The following CACNA1I variants were observed in gnomAD, a reference collection of about 807,000 sequenced individuals.
CACNA1I encodes calcium voltage-gated channel subunit alpha1 I, also known as voltage-dependent T-type calcium channel subunit alpha-1I.
In CACNA1I, 74 loss-of-function variants were observed where a neutral mutation model predicts 201.6. That is an observed-to-expected ratio of 0.37 (90% confidence interval 0.30 to 0.45). CACNA1I has a LOEUF of 0.45. Ranked by LOEUF, CACNA1I falls within the 20% of genes least tolerant of loss-of-function variation. The pLI, the probability that CACNA1I is intolerant of heterozygous loss-of-function variation, is 1.00. For synonymous variants in CACNA1I, 1,431 were observed against 1,345.2 expected (o/e 1.06, Z -1.40); for missense variants, 2,346 against 3,138.1 (o/e 0.75, Z 6.03).
At chr22:39,641,326 A>G (rs1265123482) in intron 6 of CACNA1I, 144 bp downstream of exon 6, 44 of 660,768 alleles carry the variant, frequency 6.7e-5, no homozygotes, top group Admixed American at 5.8e-4. Context: ...TATCATGCCC[A>G]TTTTATAGAC....
chr22:39,635,069 A>G (rs1050147503), intron 5 of CACNA1I, among the ~76,000 whole-genome samples: 3 of 152,114 alleles, frequency 2.0e-5, no homozygotes, highest in African/African-American at 7.2e-5. Context: ...TGACACACAA[A>G]TCAAGCTCTG....
chr22:39,661,926 T>G, intron 16 of CACNA1I, 39 bp from the exon 17 acceptor site: 2 of 1,348,728 alleles, frequency 1.5e-6, no homozygotes, highest in Non-Finnish European at 9.8e-7. Context: ...GCCGTGGGTG[T>G]GCCTGTGGGG....
intron 10 of CACNA1I, among the ~76,000 whole-genome samples, chr22:39,651,319 C>G (rs952855959): frequency 1.3e-5 from 2 of 152,244 alleles, no homozygotes; most frequent in African/African-American, 4.8e-5. Context: ...GGGCCGCACA[C>G]GCACCTCCCT....
At position 39,649,030 on chromosome 22, in the gene CACNA1I, A is replaced by G. The variant is rs558060061; in HGVS notation, c.1568-471A>G. ...AAACCTCACCCCTTCCCCGCTCCCC[A>G]CCTGCTGTATAGGCAGGAGACTTGA... On this transcript the variant is annotated intron_variant, in intron 9 of 36. Coordinates refer to ENST00000402142, the MANE Select transcript of CACNA1I (RefSeq NM_021096.4). The surrounding 1 kb of genome is among the most constrained non-coding windows in gnomAD (Gnocchi z 7.3). 1.7e-4 allele frequency among the ~76,000 whole-genome samples: 26 copies of G among 151,888 alleles called. No homozygotes were observed. Among genetic ancestry groups the G allele is most frequent in the African/African-American group, 6.3e-4 (26 of 41,430 alleles).
chr22:39,658,782 C>T, intron 11 of CACNA1I, 149 bp from the exon 12 acceptor site: 2 of 696,808 alleles, frequency 2.9e-6, no homozygotes, highest in Non-Finnish European at 4.8e-6. Flanking sequence ...TAGCTTGTGG[C>T]GTGGAGCAGC....
At chr22:39,572,270 G>C (rs1932209735) in intron 1 of CACNA1I, among the ~76,000 whole-genome samples, 1 of 152,088 alleles carries the variant, frequency 6.6e-6, no homozygotes, top group African/African-American at 2.4e-5. Context: ...CCAAGCCATG[G>C]TGGCCTTGTG....
chr22:39,663,800 A>T lies in CACNA1I; in HGVS notation c.3556A>T (p.Thr1186Ser), dbSNP rs1458028792. ...GGCCTTCATCTTTCTCAACTGCATC[A>T]CCATCGCCCTGGAGCGGCCTCAGAT... ...VLAFIFLNCI[T>S]IALERPQIEA... Residue 1186 changes from threonine (T) to serine (S), a missense_variant, in exon 19 of 37, where the codon ACC becomes TCC. By Grantham distance (58) the Thr-to-Ser change is moderately conservative. Transcript: ENST00000402142. 4.3e-6 allele frequency: 7 copies of T among 1,613,630 alleles called. No homozygotes were observed. Among genetic ancestry groups the T allele is most frequent in the Non-Finnish European group, 5.9e-6 (7 of 1,179,790 alleles).
intron 3 of CACNA1I, among the ~76,000 whole-genome samples, chr22:39,607,352 G>C (rs1051880864): frequency 5.9e-5 from 9 of 152,216 alleles, no homozygotes; most frequent in Non-Finnish European, 1.2e-4. Context: ...GGAGCAGCAG[G>C]ATCACTGGGG....
At chr22:39,628,829 C>T (rs1290909416) in intron 4 of CACNA1I, among the ~76,000 whole-genome samples, 1 of 152,198 alleles carries the variant, frequency 6.6e-6, no homozygotes, top group African/African-American at 2.4e-5. Flanking sequence ...CTCGGCTCCC[C>T]TCGCCCCGAC....
intron 3 of CACNA1I, among the ~76,000 whole-genome samples, chr22:39,613,758 G>A (rs573745837): frequency 8.1e-4 from 123 of 152,322 alleles, no homozygotes; most frequent in African/African-American, 2.8e-3. Context: ...CGGCCTTGCC[G>A]GTGACTGATG....
chr22:39,610,084 G>T (rs1033504828), intron 3 of CACNA1I, among the ~76,000 whole-genome samples: 2 of 152,206 alleles, frequency 1.3e-5, no homozygotes, highest in East Asian at 3.8e-4. Flanking sequence ...GTGCACTATT[G>T]GTGGGTAAGG....
At chr22:39,594,784 C>A (rs945015760) in intron 1 of CACNA1I, among the ~76,000 whole-genome samples, 1 of 151,994 alleles carries the variant, frequency 6.6e-6, no homozygotes, top group African/African-American at 2.4e-5. Context: ...CCTGAGTCCC[C>A]GGATGTTGGA....
intron 1 of CACNA1I, among the ~76,000 whole-genome samples, chr22:39,591,158 C>CTTTT (rs132581): frequency 7.7e-6 from 1 of 129,514 alleles, no homozygotes; most frequent in Non-Finnish European, 1.6e-5. Context: ...GGCCTGGATT[C>CTTTT]TTTTTTTTTT....
chr22:39,670,755 G>A, intron 25 of CACNA1I, 48 bp from the exon 26 acceptor site: 1 of 1,603,524 alleles, frequency 6.2e-7, no homozygotes, highest in Non-Finnish European at 8.5e-7. Context: ...CCTTTCCCTT[G>A]ACCCCAACCC....
Position 39,666,292 on chromosome 22 carries a change from C to T in CACNA1I, c.4104+286C>T, listed in dbSNP as rs1164230962. ...CCACCCCCGACCCAGGGACCCCTGA[C>T]AGGAGTTTTAGAATCAAGCAGTCCT... On this transcript the variant is annotated intron_variant, in intron 23 of 36. Coordinates refer to ENST00000402142, the MANE Select transcript of CACNA1I (RefSeq NM_021096.4). This position sits in a 1 kb window ranked among gnomAD's most constrained non-coding sequence, Gnocchi z 4.1. 3.3e-5 allele frequency among the ~76,000 whole-genome samples: 5 copies of T among 151,864 alleles called. No homozygotes were observed. Among genetic ancestry groups the T allele is most frequent in the Admixed American group, 3.3e-4 (5 of 15,272 alleles).
At chr22:39,626,836 C>T (rs1275520078) in intron 4 of CACNA1I, among the ~76,000 whole-genome samples, 1 of 152,172 alleles carries the variant, frequency 6.6e-6, no homozygotes, top group African/African-American at 2.4e-5. Flanking sequence ...ACCTTGAGAT[C>T]CGCCTGATAA....
intron 18 of CACNA1I, among the ~76,000 whole-genome samples, chr22:39,663,449 T>A (rs1935088972): frequency 6.6e-6 from 1 of 152,078 alleles, no homozygotes; most frequent in African/African-American, 2.4e-5. Context: ...CAGCGTGGTA[T>A]CCTCCTGACA....
At chr22:39,630,746 G>A (rs2146407823) in intron 4 of CACNA1I, among the ~76,000 whole-genome samples, 1 of 152,392 alleles carries the variant, frequency 6.6e-6, no homozygotes, top group East Asian at 1.9e-4. Context: ...CAAAAAGGAG[G>A]TGAGGGATGG....
intron 18 of CACNA1I, 28 bp downstream of exon 18, chr22:39,662,904 G>T (rs1404404119): frequency 1.4e-6 from 2 of 1,396,800 alleles, no homozygotes; most frequent in Non-Finnish European, 2.0e-6. Context: ...TGGGGTGAGG[G>T]TTAGAGTAGG....
Sources: allele counts gnomAD v4.1 joint callset (sites outside exome capture counted in the v4.1 genomes callset), GRCh38; gene constraint gnomAD v4.1.1; non-coding constraint Gnocchi (gnomAD v3.1); transcripts MANE v1.5; gene names NCBI Gene and HGNC (gene_info 2026-07-23, HGNC 2026-07-21).